Variants in UGT2B28 observed in about 807,000 individuals in gnomAD.
The protein encoded by UGT2B28 is UDP-glucuronosyltransferase 2B28.
Under a neutral mutation model 43.6 loss-of-function variants are expected in UGT2B28, and 45 were observed. That is an observed-to-expected ratio of 1.03 (90% CI 0.81 to 1.32). UGT2B28 has a LOEUF of 1.32. Among genes scored for constraint, UGT2B28 ranks in the 40% most tolerant of loss-of-function variants. UGT2B28 has a pLI of 0.00. For synonymous variants in UGT2B28, 204 were observed against 208.1 expected (o/e 0.98, Z 0.17); for missense variants, 649 against 625.5 (o/e 1.04, Z -0.40).
Position 69,291,467 on chromosome 4 carries a change from G to A in UGT2B28, c.1310+656G>A, listed in dbSNP as rs1436265557. 1.6e-4 allele frequency among the ~76,000 whole-genome samples: 23 copies of A among 140,516 alleles called. 3 individuals carry two copies. The highest frequency in any genetic ancestry group is 4.2e-4 in the African/African-American group (15 of 36,078). The allele number at this position is 140,516 out of a possible 152,430, so 92.2% of individuals were successfully genotyped here. The stretch of plus-strand genomic sequence containing the variant: ...TTCTCTCTAGATATTTCATATAAAC[G>A]GAATCGTACAGTCTCAGGTGCTGTG... On this transcript the variant is annotated intron_variant, in intron 5 of 5. Transcript: ENST00000335568.
rs1344403534 is a variant in UGT2B28 at position 69,282,050 on chromosome 4, T to TA, written c.722-464_722-463insA. On this transcript the variant is annotated intron_variant, in intron 1 of 5. Transcript: ENST00000335568. The stretch of plus-strand genomic sequence containing the variant: ...GATTTCTGCCATACTCTCAAAATAG[T>TA]CCGAGTTCACTTGAAGAACCAAAGA... Among the ~76,000 whole-genome samples, 5 of 139,838 alleles carry TA rather than the reference T, an allele frequency of 3.6e-5. 2 individuals are homozygous for TA. Among genetic ancestry groups the TA allele is most frequent in the African/African-American group, 1.4e-4 (5 of 35,850 alleles). 91.7% of individuals were successfully genotyped at this position (139,838 alleles called of 152,430 possible). A position where few individuals can be genotyped will look rare whatever the true frequency, so the allele number is the denominator to read the frequency against.
Position 69,290,782 on chromosome 4 carries a change from T to C in UGT2B28, c.1281T>C (p.Asn427=). The change falls in exon 5 of 6, where the codon AAT becomes AAC. Residue 427 remains asparagine (N), a synonymous_variant. Coordinates refer to ENST00000335568, the MANE Select transcript of UGT2B28 (RefSeq NM_053039.2). ...CAATGTCGAGTACAGACCTGCTGAA[T>C]GCACTGAAGACAGTAATTAATGATC... ...FHTMSSTDLL[N]ALKTVINDPS... is the part of the protein sequence containing the mutation. 1.3e-6 allele frequency: 2 copies of C among 1,559,770 alleles called. 1 individual carries two copies. Among genetic ancestry groups the C allele is most frequent in the Non-Finnish European group, 1.7e-6 (2 of 1,155,112 alleles).
rs543729254 is a variant in UGT2B28 at position 69,293,838 on chromosome 4, C to T, written c.1311-692C>T. Among the ~76,000 whole-genome samples, 778 of 140,410 alleles carry T rather than the reference C, an allele frequency of 5.5e-3. 164 individuals are homozygous for T. The highest frequency in any genetic ancestry group is 0.021 in the African/African-American group (745 of 35,944). The allele number at this position is 140,410 out of a possible 152,430, so 92.1% of individuals were successfully genotyped here. A position where few individuals can be genotyped will look rare whatever the true frequency, so the allele number is the denominator to read the frequency against. On this transcript the variant is annotated intron_variant, in intron 5 of 5. Transcript: ENST00000335568. ...AAAGAATGAGAAGCCAGGCAAAAAT[C>T]TTAATCAGAAGAGTGCCATAATCTG...
chr4:69,286,672 T>A, intron 2 of UGT2B28, 80 bp from the exon 3 acceptor site: 1 of 1,457,176 alleles, frequency 6.9e-7, no homozygotes, highest in East Asian at 2.4e-5. Context: ...TGATTTTCTC[T>A]CTTTAATATT....
At position 69,281,658 on chromosome 4, in the gene UGT2B28, TA is replaced by T. The variant is rs1422902184; in HGVS notation, c.721+441del. Among the ~76,000 whole-genome samples, 3 of 140,652 alleles carry T rather than the reference TA, an allele frequency of 2.1e-5. 1 individual carries two copies. In the Admixed American group the frequency reaches 2.1e-4, roughly 10 times the overall value. 92.3% of individuals were successfully genotyped at this position (140,652 alleles called of 152,430 possible). On this transcript the variant is annotated intron_variant, in intron 1 of 5. Transcript: ENST00000335568. The stretch of plus-strand genomic sequence containing the variant: ...AACCTCAGTTTTCTTTTTTAGGTAT[TA>T]AAAGATATTCCCATGTTTCCAGAAG...
chr4:69,290,409 G>T (rs762943585), intron 4 of UGT2B28, among the ~76,000 whole-genome samples, 183 bp from the exon 5 acceptor site: 1 of 139,926 alleles, frequency 7.1e-6, no homozygotes, highest in Non-Finnish European at 1.5e-5. Context: ...CTGAAGTTAT[G>T]CACACCACGG....
rs950405361 is a variant in UGT2B28, at chr4:69,285,717, T to G, written c.871-1035T>G. ...CCCAATGATTAAATCTGAAAATACT[T>G]AAATTTAAATATCGGTATACATTGG... On this transcript the variant is annotated intron_variant, in intron 2 of 5. Coordinates refer to ENST00000335568, the MANE Select transcript of UGT2B28 (RefSeq NM_053039.2). Among the ~76,000 whole-genome samples the G allele has an allele frequency of 2.8e-5, 4 of 141,438 alleles. 1 individual carries two copies. The highest frequency in any genetic ancestry group is 6.1e-5 in the Non-Finnish European group (4 of 66,020). The allele number at this position is 141,438 out of a possible 152,430, so 92.8% of individuals were successfully genotyped here.
At chr4:69,285,816 G>A (rs1349111783) in intron 2 of UGT2B28, among the ~76,000 whole-genome samples, 5 of 140,900 alleles carry the variant, frequency 3.5e-5, no homozygotes, top group Non-Finnish European at 6.1e-5. Context: ...TGTGGTGTGC[G>A]TGAGCTACTC....
chr4:69,281,865 A>G (rs1332831786), intron 1 of UGT2B28, among the ~76,000 whole-genome samples: 2 of 140,884 alleles, frequency 1.4e-5, no homozygotes, highest in African/African-American at 2.8e-5. Flanking sequence ...ATTTGAAACT[A>G]TGTCTCTTTA....
At chr4:69,291,895 T>C (rs780801192) in intron 5 of UGT2B28, among the ~76,000 whole-genome samples, 1 of 140,504 alleles carries the variant, frequency 7.1e-6, no homozygotes, top group Non-Finnish European at 1.5e-5. Flanking sequence ...GTCTGTCTTT[T>C]TGTTACAGCC....
Position 69,281,138 on chromosome 4 carries a change from A to C in UGT2B28, c.638A>C (p.Asn213Thr). 6.4e-7 allele frequency: 1 copy of C among 1,558,102 alleles called. No homozygotes were observed. The highest frequency in any genetic ancestry group is 8.7e-7 in the Non-Finnish European group (1 of 1,154,874). The change falls in exon 1 of 6, where the codon AAC (asparagine) becomes ACC (threonine). Residue 213 changes from asparagine (N) to threonine (T), a missense_variant. Transcript: ENST00000335568. The stretch of plus-strand genomic sequence containing the variant: ...ATGACTTTCATGGAGAGGGTAAAAA[A>C]CATGATCTATGTGCTTTATTTTGAC... ...DQMTFMERVK[N>T]MIYVLYFDFW...
Position 69,286,864 on chromosome 4 carries a change from T to C in UGT2B28, c.983T>C (p.Leu328Pro). 1 of 1,555,600 alleles carries C rather than the reference T, an allele frequency of 6.4e-7. No homozygotes were observed. Among genetic ancestry groups the C allele is most frequent in the South Asian group, 1.2e-5 (1 of 84,094 alleles). ...AGGGCCAACGTAATTGCAACAGCCCTTGCCAAGATCCCACAAAAGGTAAGA... is the reference window on the plus strand; with the variant it reads ...AGGGCCAACGTAATTGCAACAGCCCCTGCCAAGATCCCACAAAAGGTAAGA... Reference protein sequence around the residue: ...AERANVIATALAKIPQKVLWR... With the variant: ...AERANVIATAPAKIPQKVLWR... Residue 328 changes from leucine to proline, a missense_variant, in exon 3 of 6, where the codon CTT becomes CCT. By Grantham distance (98) the Leu-to-Pro change is moderately conservative. Coordinates refer to ENST00000335568, the MANE Select transcript of UGT2B28 (RefSeq NM_053039.2).
In UGT2B28 at chr4:69,281,276, G is replaced by A. The variant is rs192293400; in HGVS notation, c.721+55G>A. On this transcript the variant is annotated intron_variant, in intron 1 of 5. Transcript: ENST00000335568. ...GATCTAACTTATTTGTGTCTTTGAA[G>A]CAGAGCTTATATAAAGCCATAAAGT... is the stretch of plus-strand genomic sequence containing the variant. 2.0e-4 allele frequency: 282 copies of A among 1,441,468 alleles called. 57 individuals carry two copies. In the African/African-American group the frequency reaches 4.2e-3, roughly 21 times the overall value. 89.3% of individuals were successfully genotyped at this position (1,441,468 alleles called of 1,614,324 possible). A position where few individuals can be genotyped will look rare whatever the true frequency, so the allele number is the denominator to read the frequency against.
At chr4:69,282,300 T>C (rs539684349) in intron 1 of UGT2B28, among the ~76,000 whole-genome samples, 1 of 140,070 alleles carries the variant, frequency 7.1e-6, no homozygotes, top group African/African-American at 2.8e-5. Flanking sequence ...AACTTCATAA[T>C]TCTCCCACCA....
At position 69,282,570 on chromosome 4, in the gene UGT2B28, A is replaced by T; in HGVS notation, c.778A>T (p.Asn260Tyr). 6.4e-7 allele frequency: 1 copy of T among 1,554,470 alleles called. No individual in the cohort carries two copies. Among genetic ancestry groups the T allele is most frequent in the Non-Finnish European group, 8.7e-7 (1 of 1,153,440 alleles). ...GAAAGCTGACATATGGCTTATGCGA[A>T]ACTCCTGGAGTTTTCAATTTCCTCA... is the stretch of plus-strand genomic sequence containing the variant. ...MGKADIWLMR[N>Y]SWSFQFPHPF... The change falls in exon 2 of 6, where the codon AAC becomes TAC. Residue 260 changes from asparagine (N) to tyrosine (Y), a missense_variant. Asn to Tyr is a moderately radical substitution (Grantham distance 143). Coordinates refer to ENST00000335568, the MANE Select transcript of UGT2B28 (RefSeq NM_053039.2).
Position 69,286,896 on chromosome 4 carries a change from G to A in UGT2B28, c.1002+13G>A, listed in dbSNP as rs369416584. ...GATCCCACAAAAGGTAAGATAAAGT[G>A]CCTTACTGGTGTGGAAAACTACTGA... On this transcript the variant is annotated intron_variant, in intron 3 of 5. Transcript: ENST00000335568. 1.9e-4 allele frequency: 294 copies of A among 1,549,706 alleles called. 34 individuals carry two copies. Among genetic ancestry groups the A allele is most frequent in the Non-Finnish European group, 2.4e-4 (274 of 1,151,260 alleles).
Position 69,281,464 on chromosome 4 carries a change from G to A in UGT2B28, c.721+243G>A, listed in dbSNP as rs926763116. On this transcript the variant is annotated intron_variant, in intron 1 of 5. Transcript: ENST00000335568. ...CAGGAAATCATAAACCTATATATTA[G>A]TACACCTAAGACTTTAAGCAATTAC... is the stretch of plus-strand genomic sequence containing the variant. Among the ~76,000 whole-genome samples the A allele has an allele frequency of 2.1e-5, 3 of 140,362 alleles. 1 individual carries two copies. Among genetic ancestry groups the A allele is most frequent in the African/African-American group, 8.3e-5 (3 of 35,952 alleles). 92.1% of individuals were successfully genotyped at this position (140,362 alleles called of 152,430 possible).
chr4:69,284,310 G>C (rs1000114389), intron 2 of UGT2B28, among the ~76,000 whole-genome samples: 1 of 140,412 alleles, frequency 7.1e-6, no homozygotes, highest in Non-Finnish European at 1.5e-5. Context: ...TGAAGGAACA[G>C]AAAAATCTCA....
intron 5 of UGT2B28, 150 bp downstream of exon 5, chr4:69,290,961 G>A: frequency 8.7e-7 from 1 of 1,148,874 alleles, no homozygotes; most frequent in Non-Finnish European, 1.1e-6. Context: ...TTTTTTATCT[G>A]TTATTTAAAA....
Sources: gnomAD v4.1 joint callset for allele counts (sites outside exome capture counted in the v4.1 genomes callset) on GRCh38, gnomAD v4.1.1 for gene constraint, MANE v1.5 for transcripts, NCBI Gene and HGNC (gene_info 2026-07-23, HGNC 2026-07-21) for gene names.